The following HSF2BP variants were observed in gnomAD, a reference collection of about 807,000 sequenced individuals.
HSF2BP encodes heat shock factor 2-binding protein.
Under a neutral mutation model 35.0 loss-of-function variants are expected in HSF2BP, and 35 were observed. That is an observed-to-expected ratio of 1.00 (90% CI 0.76 to 1.32). HSF2BP has a LOEUF of 1.32. Ranked by LOEUF, HSF2BP falls within the 40% of genes most tolerant of loss-of-function variation. The pLI is 0.00. For synonymous variants in HSF2BP, 114 were observed against 117.4 expected (o/e 0.97, Z 0.18); for missense variants, 326 against 321.7 (o/e 1.01, Z -0.10).
At chr21:43,644,530 C>T in intron 3 of HSF2BP, 138 bp from the exon 4 acceptor site, 2 of 647,258 alleles carry the variant, frequency 3.1e-6, no homozygotes, top group Non-Finnish European at 5.5e-6. Context: ...TGACTTCTAG[C>T]CTGTCCTTGA....
chr21:43,644,208 T>C, intron 4 of HSF2BP, 81 bp downstream of exon 4: 1 of 954,982 alleles, frequency 1.0e-6, no homozygotes, highest in Non-Finnish European at 1.7e-6. Flanking sequence ...AAAAATTCAG[T>C]CCCACTGCTT....
intron 5 of HSF2BP, among the ~76,000 whole-genome samples, chr21:43,632,378 TCCC>T (rs141776331): frequency 2.8e-4 from 10 of 35,448 alleles, no homozygotes; most frequent in Admixed American, 4.4e-4. Flanking sequence ...ACACACACGC[TCCC>T]CCCCCACACA....
At chr21:43,601,085 A>G (rs888989116) in intron 7 of HSF2BP, among the ~76,000 whole-genome samples, 3 of 152,350 alleles carry the variant, frequency 2.0e-5, no homozygotes, top group Middle Eastern at 3.4e-3. Flanking sequence ...TTGTGCTATT[A>G]CAAACACCAC....
intron 7 of HSF2BP, among the ~76,000 whole-genome samples, chr21:43,598,197 T>C (rs1349425522): frequency 6.6e-6 from 1 of 151,996 alleles, no homozygotes; most frequent in Non-Finnish European, 1.5e-5. Context: ...TTTGTTTTTT[T>C]GTTTTTTTGT....
At chr21:43,622,487 T>C (rs1322463668) in intron 6 of HSF2BP, among the ~76,000 whole-genome samples, 1 of 151,944 alleles carries the variant, frequency 6.6e-6, no homozygotes, top group African/African-American at 2.4e-5. Context: ...GAAAAAGATA[T>C]CTATGCAACT....
chr21:43,650,335 T>C (rs1307475902), intron 3 of HSF2BP, among the ~76,000 whole-genome samples: 1 of 151,884 alleles, frequency 6.6e-6, no homozygotes, highest in Non-Finnish European at 1.5e-5. Flanking sequence ...GCCTCCCGAG[T>C]AGCTGGGACT....
chr21:43,657,776 T>A, intron 2 of HSF2BP: 1 of 916,392 alleles, frequency 1.1e-6, no homozygotes, highest in Non-Finnish European at 1.3e-6. Context: ...GAGAAGAGAG[T>A]GACCATCCAT....
At chr21:43,592,878 T>C (rs1424093778) in intron 7 of HSF2BP, among the ~76,000 whole-genome samples, 1 of 152,194 alleles carries the variant, frequency 6.6e-6, no homozygotes, top group Non-Finnish European at 1.5e-5. Flanking sequence ...TAAGCTGTTT[T>C]GGGATTGAAC....
intron 3 of HSF2BP, among the ~76,000 whole-genome samples, chr21:43,648,783 T>C (rs1442186763): frequency 1.3e-5 from 2 of 152,236 alleles, no homozygotes; most frequent in East Asian, 3.8e-4. Context: ...CTCAGGAAAT[T>C]AATCTCAAAA....
chr21:43,619,849 C>T (rs941643174), intron 6 of HSF2BP, among the ~76,000 whole-genome samples: 1 of 152,236 alleles, frequency 6.6e-6, no homozygotes, highest in African/African-American at 2.4e-5. Flanking sequence ...GACACCAAAT[C>T]AGAGCGGCTG....
rs551630861 is a variant in HSF2BP at position 43,610,900 on chromosome 21, C to T, written c.692+2930G>A. ...GGCATTATATTTGTCAAGTAAAACC[C>T]GAAAGTAACTTAAATGCCCATCAGT... is the stretch of plus-strand genomic sequence containing the variant. On this transcript the variant is annotated intron_variant, in intron 7 of 8. Transcript: ENST00000291560. Among the ~76,000 whole-genome samples, 5 of 152,068 alleles carry T rather than the reference C, an allele frequency of 3.3e-5. No individual in the cohort carries two copies. In the East Asian group the frequency reaches 5.8e-4, roughly 18 times the overall value.
intron 6 of HSF2BP, among the ~76,000 whole-genome samples, chr21:43,622,755 C>A (rs530160389): frequency 6.6e-6 from 1 of 151,946 alleles, no homozygotes; most frequent in African/African-American, 2.4e-5. Flanking sequence ...CAGTAATGGC[C>A]GGATGGTCCA....
At chr21:43,636,572 G>C (rs7275705) in intron 4 of HSF2BP, among the ~76,000 whole-genome samples, 101,646 of 152,116 alleles carry the variant, frequency 0.67, 34,432 homozygotes, top group East Asian at 0.79. Flanking sequence ...AATTAAAAAT[G>C]GGCAAAAGAT....
At chr21:43,591,851 C>A (rs1219505251) in intron 8 of HSF2BP, among the ~76,000 whole-genome samples, 2 of 152,226 alleles carry the variant, frequency 1.3e-5, no homozygotes, top group African/African-American at 4.8e-5. Flanking sequence ...CTTTGTCCAG[C>A]ATATGCTATG....
intron 7 of HSF2BP, among the ~76,000 whole-genome samples, chr21:43,593,901 C>T (rs1401822480): frequency 6.6e-6 from 1 of 151,992 alleles, no homozygotes; most frequent in Admixed American, 6.6e-5. Context: ...AAAAATATTT[C>T]CCAGAAATGA....
chr21:43,625,442 A>T (rs2146972498), intron 6 of HSF2BP, among the ~76,000 whole-genome samples: 1 of 152,316 alleles, frequency 6.6e-6, no homozygotes, highest in East Asian at 1.9e-4. Context: ...GAACTGGACT[A>T]CAGAAGGATG....
intron 3 of HSF2BP, among the ~76,000 whole-genome samples, chr21:43,645,889 AAAGG>A (rs1401382883): frequency 6.6e-5 from 10 of 152,196 alleles, no homozygotes; most frequent in African/African-American, 2.4e-4. Flanking sequence ...GAAATGTTAA[AAAGG>A]AAGGAAGAAA....
chr21:43,612,160 A>G (rs1451466691), intron 7 of HSF2BP, among the ~76,000 whole-genome samples: 5 of 152,240 alleles, frequency 3.3e-5, no homozygotes, highest in Admixed American at 3.3e-4. Flanking sequence ...CTGTGAAAAT[A>G]TAAACACCAG....
chr21:43,642,746 A>G (rs1310986953), intron 4 of HSF2BP, among the ~76,000 whole-genome samples: 2 of 151,308 alleles, frequency 1.3e-5, no homozygotes, highest in Non-Finnish European at 2.9e-5. Flanking sequence ...CTACTTTACC[A>G]TGGCTGTTTC....
Sources: gnomAD v4.1 joint callset for allele counts (sites outside exome capture counted in the v4.1 genomes callset) on GRCh38, gnomAD v4.1.1 for gene constraint, MANE v1.5 for transcripts, NCBI Gene and HGNC (gene_info 2026-07-23, HGNC 2026-07-21) for gene names.